The following MED12L variants were observed in gnomAD, a reference collection of about 807,000 sequenced individuals.
MED12L encodes the protein mediator complex subunit 12L.
MED12L carries 60 observed loss-of-function variants against 281.3 expected under a neutral mutation model. That is an observed-to-expected ratio of 0.21 (90% CI 0.17 to 0.26). The LOEUF is 0.26. Among genes scored for constraint, MED12L ranks in the 10% least tolerant of loss-of-function variants. The pLI is 1.00. For synonymous variants in MED12L, 974 were observed against 987.2 expected (o/e 0.99, Z 0.25); for missense variants, 2,146 against 2,680.9 (o/e 0.80, Z 4.41).
intron 5 of MED12L, among the ~76,000 whole-genome samples, chr3:151,154,113 G>A (rs1718944702): frequency 6.6e-6 from 1 of 152,092 alleles, no homozygotes; most frequent in South Asian, 2.1e-4. Flanking sequence ...TTATTAAGGA[G>A]TACAGTACTA....
chr3:151,338,908 A>G, intron 16 of MED12L: 16 of 1,535,574 alleles, frequency 1.0e-5, no homozygotes, highest in Non-Finnish European at 1.4e-5. Flanking sequence ...GGTAGTTATT[A>G]TTGCTGTTAT....
chr3:151,097,864 A>T (rs1432665060), intron 2 of MED12L, among the ~76,000 whole-genome samples: 1 of 152,236 alleles, frequency 6.6e-6, no homozygotes, highest in African/African-American at 2.4e-5. Flanking sequence ...ATGGACTTGT[A>T]AATGAGGAGC....
chr3:151,301,929 T>C (rs1355522449), intron 16 of MED12L, among the ~76,000 whole-genome samples: 1 of 152,250 alleles, frequency 6.6e-6, no homozygotes, highest in Admixed American at 6.5e-5. Flanking sequence ...TGAAAACTTA[T>C]GTCCATGCAA....
At chr3:151,388,204 C>A in intron 37 of MED12L, 32 bp downstream of exon 37, 1 of 1,556,578 alleles carries the variant, frequency 6.4e-7, no homozygotes, top group South Asian at 1.2e-5. Flanking sequence ...AACCTTGGCT[C>A]ATTAGCATTT....
intron 16 of MED12L, among the ~76,000 whole-genome samples, chr3:151,295,777 G>A (rs1428088048): frequency 6.6e-6 from 1 of 152,124 alleles, no homozygotes; most frequent in East Asian, 1.9e-4. Context: ...ATCATTGATA[G>A]GAATAGAAAG....
At chr3:151,291,560 A>C (rs1167198281) in intron 16 of MED12L, among the ~76,000 whole-genome samples, 1 of 152,192 alleles carries the variant, frequency 6.6e-6, no homozygotes, top group Non-Finnish European at 1.5e-5. Flanking sequence ...TTGCTTTCTG[A>C]GAAGATTCTG....
At chr3:151,411,713 C>G (rs1716956754) in intron 41 of MED12L, among the ~76,000 whole-genome samples, 1 of 152,146 alleles carries the variant, frequency 6.6e-6, no homozygotes, top group Admixed American at 6.5e-5. Context: ...CATTAAAGAT[C>G]CTTACAGTTT....
chr3:151,190,067 T>C (rs1482832871), intron 13 of MED12L, among the ~76,000 whole-genome samples: 1 of 152,238 alleles, frequency 6.6e-6, no homozygotes, highest in Non-Finnish European at 1.5e-5. Context: ...ATGAACTGTT[T>C]TATTAGTAAA....
rs762450440 is a variant in MED12L at position 151,159,860 on chromosome 3, A to G, written c.866A>G (p.Tyr289Cys). 1 of 1,613,972 alleles carries G rather than the reference A, an allele frequency of 6.2e-7. No individual in the cohort carries two copies. Among genetic ancestry groups the G allele is most frequent in the Non-Finnish European group, 8.5e-7 (1 of 1,179,974 alleles). The change falls in exon 8 of 45, where the codon TAC (tyrosine) becomes TGC (cysteine). Residue 289 changes from tyrosine to cysteine, a missense_variant. By Grantham distance (194) the Tyr-to-Cys change is radical (BLOSUM62 -2). This residue lies in a region of MED12L where 722 missense variants were observed against 861.2 expected (regional missense o/e 0.84). Coordinates refer to ENST00000687756, the MANE Select transcript of MED12L (RefSeq NM_001393769.1). ...TCAGATGAGTTTGTTCAGTCGGCCT[A>G]CCTGTCTCGTCGTCTTGCCTACTTT... ...QYSDEFVQSA[Y>C]LSRRLAYFCA...
At chr3:151,410,444 A>C (rs932597062) in intron 40 of MED12L, among the ~76,000 whole-genome samples, 4 of 152,044 alleles carry the variant, frequency 2.6e-5, no homozygotes, top group African/African-American at 9.7e-5. Context: ...TTCATTATCC[A>C]TTTCTCTGTC....
At chr3:151,180,905 A>C (rs1722621838) in intron 11 of MED12L, among the ~76,000 whole-genome samples, 1 of 152,190 alleles carries the variant, frequency 6.6e-6, no homozygotes, top group African/African-American at 2.4e-5. Flanking sequence ...CATGTAAGCA[A>C]CTACCCTATT....
At chr3:151,284,344 T>C (rs948923288) in intron 16 of MED12L, among the ~76,000 whole-genome samples, 1 of 152,108 alleles carries the variant, frequency 6.6e-6, no homozygotes, top group African/African-American at 2.4e-5. Flanking sequence ...ATCAGTCATC[T>C]CTGCCCAGCA....
At position 151,436,604 on chromosome 3, in the gene MED12L, C is replaced by T. The variant is rs756305118; in HGVS notation, c.*3800C>T. 3.3e-6 allele frequency: 3 copies of T among 908,456 alleles called. No individual in the cohort carries two copies. The highest frequency in any genetic ancestry group is 5.1e-6 in the Non-Finnish European group (3 of 587,530). 56.3% of individuals were successfully genotyped at this position (908,456 alleles called of 1,614,324 possible). A position where few individuals can be genotyped will look rare whatever the true frequency, so the allele number is the denominator to read the frequency against. Reference sequence around the variant, plus strand: ...TTAATACTGTAAATGTATTCAAATTCATTTACATGCCTATGGCTGCCTTTG... The same window carrying T: ...TTAATACTGTAAATGTATTCAAATTTATTTACATGCCTATGGCTGCCTTTG... On this transcript the variant is annotated 3_prime_UTR_variant, in exon 45 of 45. Coordinates refer to ENST00000687756, the MANE Select transcript of MED12L (RefSeq NM_001393769.1).
At chr3:151,366,254 T>G (rs1755254078) in intron 23 of MED12L, among the ~76,000 whole-genome samples, 1 of 152,228 alleles carries the variant, frequency 6.6e-6, no homozygotes, top group Admixed American at 6.5e-5. Context: ...TTCCATTTAG[T>G]TGAGATTTCT....
rs1553808537 is a variant in MED12L at position 151,141,189 on chromosome 3, T to TTTTTTGTTTTTTTG, written c.556+13210_556+13211insGTTTTTTTGTTTTT. On this transcript the variant is annotated intron_variant, in intron 5 of 44. Coordinates refer to ENST00000687756, the MANE Select transcript of MED12L (RefSeq NM_001393769.1). ...GCGTTTTTTTTTTTGTTTTTTTTGT[T>TTTTTTGTTTTTTTG]TTTTTTTTTTTGTTAGTAGAGACGG... Among the ~76,000 whole-genome samples the TTTTTTGTTTTTTTG allele has an allele frequency of 9.8e-3, 1,354 of 137,986 alleles. 35 individuals are homozygous for TTTTTTGTTTTTTTG. Among genetic ancestry groups the TTTTTTGTTTTTTTG allele is most frequent in the Middle Eastern group, 0.043 (11 of 256 alleles). The allele number at this position is 137,986 out of a possible 152,430, so 90.5% of individuals were successfully genotyped here.
At chr3:151,368,674 C>T (rs1170556815) in intron 25 of MED12L, among the ~76,000 whole-genome samples, 7 of 55,490 alleles carry the variant, frequency 1.3e-4, no homozygotes, top group Admixed American at 9.2e-4. Context: ...CATTTCATTT[C>T]ATGTCATTTC....
chr3:151,240,670 A>G (rs758056666), intron 16 of MED12L, among the ~76,000 whole-genome samples: 4 of 152,248 alleles, frequency 2.6e-5, no homozygotes, highest in Non-Finnish European at 5.9e-5. Flanking sequence ...CTGAGTCCCA[A>G]TAATATTGAC....
chr3:151,279,147 A>G (rs1238068064), intron 16 of MED12L, among the ~76,000 whole-genome samples: 1 of 152,238 alleles, frequency 6.6e-6, no homozygotes, highest in Non-Finnish European at 1.5e-5. Context: ...TTCAAAGTGT[A>G]TAACTCAGAA....
At chr3:151,402,782 C>T (rs1434144222) in intron 39 of MED12L, among the ~76,000 whole-genome samples, 1 of 152,164 alleles carries the variant, frequency 6.6e-6, no homozygotes, top group Non-Finnish European at 1.5e-5. Context: ...TAATAAAACC[C>T]TTATAGGGCC....
Sources: gnomAD v4.1 joint callset for allele counts (sites outside exome capture counted in the v4.1 genomes callset) on GRCh38, gnomAD v4.1.1 for gene constraint, gnomAD v4.1.1 regional missense constraint, MANE v1.5 for transcripts, NCBI Gene and HGNC (gene_info 2026-07-23, HGNC 2026-07-21) for gene names.